Variants in ANKRD62 observed in about 807,000 individuals in gnomAD.
ANKRD62 encodes the protein ankyrin repeat domain-containing protein 62.
A neutral mutation model predicts 98.8 loss-of-function variants in ANKRD62; 61 were observed. The ratio of observed to expected loss-of-function variants is 0.62; its 90% confidence interval spans 0.50 to 0.76. The LOEUF is 0.76. ANKRD62 is among the 30% of genes least tolerant of loss of function. The probability of loss-of-function intolerance (pLI) is 0.00; values close to 1 mark genes in which losing one functional copy is unlikely to be tolerated. For synonymous variants in ANKRD62, 341 were observed against 367.9 expected, an observed-to-expected ratio of 0.93 and a Z score of 0.84; for missense variants, 933 against 1,082.9, an observed-to-expected ratio of 0.86 and a Z score of 1.94.
chr18:12,094,046 C>T lies in ANKRD62; in HGVS notation c.29C>T (p.Ala10Val), dbSNP rs1447215537. 2 of 1,535,064 alleles carry T rather than the reference C, an allele frequency of 1.3e-6. No individual in the cohort carries two copies. Among genetic ancestry groups the T allele is most frequent in the African/African-American group, 1.4e-5 (1 of 72,832 alleles). MEVRGSFLA[A>V]CRRRMATWRK... is the part of the protein sequence containing the mutation. ...GAGGTCAGGGGGTCGTTCCTGGCGG[C>T]CTGCAGGAGACGCATGGCTACCTGG... The change falls in exon 1 of 14, where the codon GCC becomes GTC. Residue 10 changes from alanine (A) to valine (V), a missense_variant. This residue lies in a region of ANKRD62 where 549 missense variants were observed against 587.9 expected (regional missense o/e 0.93). Transcript: ENST00000587848.
intron 2 of ANKRD62, 39 bp from the exon 3 acceptor site, chr18:12,095,398 C>G (rs1042430428): frequency 5.8e-6 from 9 of 1,545,248 alleles, no homozygotes; most frequent in Non-Finnish European, 5.2e-6. Flanking sequence ...GGAAGATTTC[C>G]TAGAATTTAC....
At chr18:12,109,959 A>G (rs1909503123) in intron 8 of ANKRD62, among the ~76,000 whole-genome samples, 1 of 151,750 alleles carries the variant, frequency 6.6e-6, no homozygotes, top group East Asian at 1.9e-4. Flanking sequence ...CCAAAAAAAA[A>G]AAAAAAAAAA....
the ANKRD62 span, among the ~76,000 whole-genome samples, chr18:12,146,107 G>A: frequency 6.6e-6 from 1 of 151,906 alleles, no homozygotes; most frequent in South Asian, 2.1e-4. Context: ...CGGTAGAAGT[G>A]GTAGCACAGC....
chr18:12,136,448 C>T, the ANKRD62 span, among the ~76,000 whole-genome samples: 1 of 152,108 alleles, frequency 6.6e-6, no homozygotes, highest in Non-Finnish European at 1.5e-5. Flanking sequence ...TTACTGTAGC[C>T]TTGTAGCATA....
At position 12,126,137 on chromosome 18, in the gene ANKRD62, A is replaced by G. The variant is rs1167170450; in HGVS notation, c.2316A>G (p.Val772=). The G allele has an allele frequency of 1.3e-6, 2 of 1,536,010 alleles. No individual in the cohort carries two copies. The highest frequency in any genetic ancestry group is 1.4e-5 in the African/African-American group (1 of 73,056). The change falls in exon 13 of 14, where the codon GTA becomes GTG. Residue 772 remains valine (V), a synonymous_variant. Coordinates refer to ENST00000587848, the MANE Select transcript of ANKRD62 (RefSeq NM_001277333.2). Reference sequence around the variant, plus strand: ...AATACGTGAGAAAGCAGCAATCTGTAGAGGATGGACTATTTCAACTACAAA... The same window carrying G: ...AATACGTGAGAAAGCAGCAATCTGTGGAGGATGGACTATTTCAACTACAAA... ...LEKYVRKQQS[V]EDGLFQLQSQ... is the part of the protein sequence containing the mutation.
the ANKRD62 span, among the ~76,000 whole-genome samples, chr18:12,139,554 G>A: frequency 6.6e-6 from 1 of 152,040 alleles, no homozygotes; most frequent in African/African-American, 2.4e-5. Context: ...GCTGAGCTAG[G>A]AGAATGGTGT....
At position 12,129,179 on chromosome 18, in the gene ANKRD62, G is replaced by A. The variant is rs554837801; in HGVS notation, c.*1240G>A. 5 of 152,256 alleles carry A rather than the reference G, an allele frequency of 3.3e-5. No homozygotes were observed. In the South Asian group the frequency reaches 1.0e-3, roughly 32 times the overall value. The allele number at this position is 152,256 out of a possible 1,614,324, so 9.4% of individuals were successfully genotyped here. A position where few individuals can be genotyped will look rare whatever the true frequency, so the allele number is the denominator to read the frequency against. ...GTGTTTGGAATTGAAAAATATAAAT[G>A]CTTACTATAATTTCCTATGTTTCCC... is the stretch of plus-strand genomic sequence containing the variant. On this transcript the variant is annotated 3_prime_UTR_variant, in exon 14 of 14. Transcript: ENST00000587848.
chr18:12,166,878 C>G, the ANKRD62 span, among the ~76,000 whole-genome samples: 2 of 151,876 alleles, frequency 1.3e-5, no homozygotes, highest in Non-Finnish European at 2.9e-5. Flanking sequence ...TCCCCCAACC[C>G]CCACCCCATG....
chr18:12,095,115 T>C, intron 1 of ANKRD62, 56 bp from the exon 2 acceptor site: 2 of 1,201,390 alleles, frequency 1.7e-6, no homozygotes, highest in Middle Eastern at 1.9e-4. Flanking sequence ...CATGCGTCGT[T>C]GTATGTTTTG....
chr18:12,174,134 G>C, the ANKRD62 span, among the ~76,000 whole-genome samples: 1 of 152,148 alleles, frequency 6.6e-6, no homozygotes. Flanking sequence ...ACACGAATGA[G>C]GCATAGATTT....
At chr18:12,122,612 A>G (rs1909804884) in intron 11 of ANKRD62, 96 bp downstream of exon 11, 3 of 1,065,654 alleles carry the variant, frequency 2.8e-6, no homozygotes, top group Non-Finnish European at 3.9e-6. Context: ...CTAGGGTTTA[A>G]TAGAGAAGAA....
intron 8 of ANKRD62, among the ~76,000 whole-genome samples, chr18:12,111,961 T>C (rs111722205): frequency 0.011 from 1,657 of 151,840 alleles, 31 homozygotes; most frequent in African/African-American, 0.035. Context: ...AATACAAAAA[T>C]TAGCCGGGCG....
At chr18:12,140,726 A>G in the ANKRD62 span, among the ~76,000 whole-genome samples, 4 of 152,074 alleles carry the variant, frequency 2.6e-5, no homozygotes, top group South Asian at 8.3e-4. Flanking sequence ...TCAGAGGAGT[A>G]CCCGGCCGTG....
chr18:12,165,369 G>C, the ANKRD62 span, among the ~76,000 whole-genome samples: 2 of 151,680 alleles, frequency 1.3e-5, no homozygotes, highest in African/African-American at 4.8e-5. Context: ...CTTCCTTTTA[G>C]TAAAAGTGAT....
the ANKRD62 span, among the ~76,000 whole-genome samples, chr18:12,166,779 G>A: frequency 4.6e-5 from 7 of 151,938 alleles, no homozygotes; most frequent in African/African-American, 1.7e-4. Context: ...CAATGTGCAG[G>A]TTTGTTACAT....
At chr18:12,103,506 T>C (rs1327412901) in intron 7 of ANKRD62, among the ~76,000 whole-genome samples, 4 of 152,138 alleles carry the variant, frequency 2.6e-5, no homozygotes, top group Non-Finnish European at 4.4e-5. Context: ...TATCAAATAT[T>C]GAATTATAAT....
At chr18:12,162,065 T>A in the ANKRD62 span, among the ~76,000 whole-genome samples, 1 of 152,126 alleles carries the variant, frequency 6.6e-6, no homozygotes, top group Non-Finnish European at 1.5e-5. Flanking sequence ...CTGGATCATA[T>A]GGAAGATCTA....
chr18:12,135,404 G>A, the ANKRD62 span, among the ~76,000 whole-genome samples: 1 of 151,130 alleles, frequency 6.6e-6, no homozygotes, highest in African/African-American at 2.5e-5. Context: ...AGTATTCCAT[G>A]GTGTATATAT....
chr18:12,168,689 G>C, the ANKRD62 span, among the ~76,000 whole-genome samples: 1 of 152,206 alleles, frequency 6.6e-6, no homozygotes, highest in South Asian at 2.1e-4. Context: ...TTGGTAGCTT[G>C]ATGGGGATGG....
Sources: allele counts gnomAD v4.1 joint callset (sites outside exome capture counted in the v4.1 genomes callset), GRCh38; gene constraint gnomAD v4.1.1; regional missense constraint gnomAD v4.1.1; transcripts MANE v1.5; gene names NCBI Gene and HGNC (gene_info 2026-07-23, HGNC 2026-07-21).